CGN: variants seen among roughly 807,000 people sequenced by gnomAD.
CGN encodes the protein cingulin.
A neutral mutation model predicts 157.1 loss-of-function variants in CGN; 121 were observed. The ratio of observed to expected loss-of-function variants is 0.77; its 90% CI spans 0.66 to 0.90. The LOEUF (loss-of-function observed/expected upper bound fraction) is 0.90. Ranked by LOEUF, CGN falls within the 40% of genes least tolerant of loss-of-function variation. The probability of loss-of-function intolerance (pLI) is 0.00; values close to 1 mark genes in which losing one functional copy is unlikely to be tolerated. For missense variants in CGN, 1,424 were observed against 1,520.9 expected (o/e 0.94, Z 1.06); for synonymous variants, 535 against 607.5 (o/e 0.88, Z 1.76).
chr1:151,532,505 G>T lies in CGN; in HGVS notation c.2675G>T (p.Arg892Leu), dbSNP rs377350872. The change falls in exon 14 of 21, where the codon CGC becomes CTC. Residue 892 changes from arginine to leucine, a missense_variant. Around this residue, in one of 3 missense-constraint regions of CGN, gnomAD observed 1,187 missense variants for 1,217.6 expected, o/e 0.97. Transcript: ENST00000271636. ...KARREVADAQ[R>L]QAKDWASEAE... The stretch of plus-strand genomic sequence containing the variant: ...CGGCGGGAGGTGGCAGATGCCCAGC[G>T]CCAGGCCAAGGATTGGGCCAGTGAG... 6 of 1,609,074 alleles carry T rather than the reference G, an allele frequency of 3.7e-6. No homozygotes were observed. In the South Asian group the frequency reaches 6.6e-5, roughly 18 times the overall value.
In CGN at chr1:151,534,150, G is replaced by C. The variant is rs1416006979; in HGVS notation, c.2904+14G>C. 3 of 1,561,828 alleles carry C rather than the reference G, an allele frequency of 1.9e-6. No homozygotes were observed. The highest frequency in any genetic ancestry group is 2.6e-6 in the Non-Finnish European group (3 of 1,153,462). On this transcript the variant is annotated intron_variant, in intron 15 of 20. Transcript: ENST00000271636. Reference sequence around the variant, plus strand: ...AAGGGTCTCGAGGTGAGGGCACTGAGGTGTGACCTGTGGAAAAAGGGTGGG... The same window carrying C: ...AAGGGTCTCGAGGTGAGGGCACTGACGTGTGACCTGTGGAAAAAGGGTGGG...
chr1:151,525,758 G>A lies in CGN; in HGVS notation c.1731G>A (p.Lys577=). The part of the protein sequence containing the change: ...ETGHWQSMFQ[K]NKEDLRATKQ... The stretch of plus-strand genomic sequence containing the variant: ...GGCATTGGCAGAGTATGTTCCAGAA[G>A]AACAAGGAGGATCTTAGAGCCACCA... The change falls in exon 9 of 21, where the codon AAG becomes AAA. Residue 577 remains lysine (K), a synonymous_variant. Coordinates refer to ENST00000271636, the MANE Select transcript of CGN (RefSeq NM_020770.3). The A allele has an allele frequency of 2.5e-6, 4 of 1,607,338 alleles. No individual in the cohort carries two copies. The highest frequency in any genetic ancestry group is 2.5e-6 in the Non-Finnish European group (3 of 1,176,570).
In CGN at chr1:151,535,766, C is replaced by T. The variant is rs1315491375; in HGVS notation, c.3079-14C>T. 2 of 1,613,146 alleles carry T rather than the reference C, an allele frequency of 1.2e-6. No individual in the cohort carries two copies. The highest frequency in any genetic ancestry group is 2.2e-5 in the East Asian group (1 of 44,870). ...AGTGGAGTGCTAACTGTGGAGGCTT[C>T]CTGTCCCTCTCAGAACAAGGACCTG... is the stretch of plus-strand genomic sequence containing the variant. On this transcript the variant is annotated splice_polypyrimidine_tract_variant and intron_variant, in intron 17 of 20. Transcript: ENST00000271636.
chr1:151,515,271 G>A (rs1664383882), intron 1 of CGN, among the ~76,000 whole-genome samples: 1 of 152,108 alleles, frequency 6.6e-6, no homozygotes, highest in Non-Finnish European at 1.5e-5. Context: ...CCAAAGTGTT[G>A]GGATTACAGG....
rs537206424 is a variant in CGN at position 151,519,181 on chromosome 1, G to A, written c.662G>A (p.Arg221Gln). The A allele has an allele frequency of 4.4e-5, 71 of 1,614,088 alleles. No homozygotes were observed. The South Asian group carries it at 6.3e-4, about 14-fold the overall frequency. ...AAGAGCCTGGACAGCCGCCTCCCAC[G>A]GGACACCTTTGAGGAACGGGAGCGC... ...RSKSLDSRLPRDTFEERERQS... is the reference protein window; with the variant it reads ...RSKSLDSRLPQDTFEERERQS... The change falls in exon 2 of 21, where the codon CGG becomes CAG. Residue 221 changes from arginine (R) to glutamine (Q), a missense_variant. Physicochemically the swap from Arg to Gln is conservative, Grantham distance 43 (BLOSUM62 1). Transcript: ENST00000271636.
chr1:151,538,429 G>A lies in CGN; in HGVS notation c.*1083G>A, dbSNP rs575087975. The A allele has an allele frequency of 1.3e-5, 2 of 152,204 alleles. No individual in the cohort carries two copies. The highest frequency in any genetic ancestry group is 2.1e-4 in the South Asian group (1 of 4,828). 9.4% of individuals were successfully genotyped at this position (152,204 alleles called of 1,614,324 possible). ...GACTGTAAAAATGGGAAGAGGCAAC[G>A]GAAGACATTTATTTCTCCTTTGGAT... On this transcript the variant is annotated 3_prime_UTR_variant, in exon 21 of 21. Coordinates refer to ENST00000271636, the MANE Select transcript of CGN (RefSeq NM_020770.3).
intron 20 of CGN, 80 bp downstream of exon 20, chr1:151,536,973 G>A: frequency 6.8e-7 from 1 of 1,470,162 alleles, no homozygotes; most frequent in Non-Finnish European, 9.2e-7. Context: ...TGGATAAGGA[G>A]GAGAATCTCT....
chr1:151,531,684 G>A (rs1261833572), intron 13 of CGN, among the ~76,000 whole-genome samples: 1 of 152,192 alleles, frequency 6.6e-6, no homozygotes, highest in East Asian at 1.9e-4. Flanking sequence ...TGGGTGAGGG[G>A]AAGGAGAAAA....
At chr1:151,517,269 G>A (rs1352536314) in intron 1 of CGN, among the ~76,000 whole-genome samples, 2 of 152,152 alleles carry the variant, frequency 1.3e-5, no homozygotes, top group South Asian at 2.1e-4. Context: ...CTCTTCCAGA[G>A]AATAGAAACT....
chr1:151,533,713 G>C (rs965290791), intron 14 of CGN, among the ~76,000 whole-genome samples: 4 of 151,982 alleles, frequency 2.6e-5, no homozygotes, highest in Admixed American at 1.3e-4. Context: ...AGAATCACTT[G>C]AACCTGGGAG....
At chr1:151,530,872 G>A (rs760726050) in intron 13 of CGN, 126 bp downstream of exon 13, 31 of 968,566 alleles carry the variant, frequency 3.2e-5, no homozygotes, top group Non-Finnish European at 4.6e-5. Context: ...CAGGTGCGGT[G>A]ACTCACTCCT....
chr1:151,520,251 G>A lies in CGN; in HGVS notation c.959G>A (p.Gly320Asp), dbSNP rs199587739. Residue 320 changes from glycine (G) to aspartate (D), a missense_variant, in exon 3 of 21, where the codon GGC (glycine) becomes GAC (aspartate). Gly to Asp is a moderately conservative substitution (Grantham distance 94). Around this residue, in one of 3 missense-constraint regions of CGN, gnomAD observed 1,187 missense variants for 1,217.6 expected, o/e 0.97. Transcript: ENST00000271636. Reference sequence around the variant, plus strand: ...GACCATATGAAGGCCACCATCTATGGCATCCTGAGGGAGGGGTGAGTGGGG... The same window carrying A: ...GACCATATGAAGGCCACCATCTATGACATCCTGAGGGAGGGGTGAGTGGGG... ...SVDHMKATIYGILREGSSESE... is the reference protein window; with the variant it reads ...SVDHMKATIYDILREGSSESE... The A allele has an allele frequency of 1.2e-6, 2 of 1,613,518 alleles. No homozygotes were observed. Among genetic ancestry groups the A allele is most frequent in the East Asian group, 4.5e-5 (2 of 44,868 alleles).
intron 14 of CGN, among the ~76,000 whole-genome samples, chr1:151,533,315 A>G (rs1664880320): frequency 6.6e-6 from 1 of 151,670 alleles, no homozygotes; most frequent in Non-Finnish European, 1.5e-5. Context: ...GTCTTTACTA[A>G]AAATACAAAA....
chr1:151,523,403 C>T (rs1413116276), intron 5 of CGN, 31 bp from the exon 6 acceptor site: 4 of 1,578,622 alleles, frequency 2.5e-6, no homozygotes, highest in Non-Finnish European at 3.4e-6. Flanking sequence ...TCCCTACCCT[C>T]TACCTGCTGT....
At chr1:151,535,520 T>G (rs1443739859) in intron 16 of CGN, 80 bp from the exon 17 acceptor site, 1 of 1,144,862 alleles carries the variant, frequency 8.7e-7, no homozygotes, top group African/African-American at 1.5e-5. Flanking sequence ...CATCCTCCCA[T>G]GACTCAGCCT....
At chr1:151,529,629 G>A in intron 11 of CGN, 70 bp downstream of exon 11, 2 of 1,377,248 alleles carry the variant, frequency 1.5e-6, no homozygotes, top group Non-Finnish European at 2.0e-6. Context: ...GAGCCAGAGG[G>A]TGTGGAAAGT....
intron 14 of CGN, among the ~76,000 whole-genome samples, chr1:151,533,659 T>G (rs1483519284): frequency 6.6e-6 from 1 of 151,652 alleles, no homozygotes; most frequent in Non-Finnish European, 1.5e-5. Context: ...CCAAGCGTGG[T>G]GGCACATGCC....
intron 15 of CGN, 119 bp downstream of exon 15, chr1:151,534,255 A>AATTTG (rs1664909923): frequency 1.0e-6 from 1 of 967,158 alleles, no homozygotes; most frequent in South Asian, 1.7e-5. Context: ...CAGTATTTTC[A>AATTTG]ACAACTTTGA....
Position 151,526,878 on chromosome 1 carries a change from C to A in CGN, c.1764-97C>A, listed in dbSNP as rs1664692913. ...TGAGAGTTGGTGCCCAGCGTGTTGG[C>A]CTCCAGAGAGGTGGCTTTTATTGTC... is the stretch of plus-strand genomic sequence containing the variant. On this transcript the variant is annotated intron_variant, in intron 9 of 20. Coordinates refer to ENST00000271636, the MANE Select transcript of CGN (RefSeq NM_020770.3). 6 of 1,419,802 alleles carry A rather than the reference C, an allele frequency of 4.2e-6. No individual in the cohort carries two copies. The Admixed American group carries it at 1.1e-4, about 26-fold the overall frequency. 88.0% of individuals were successfully genotyped at this position (1,419,802 alleles called of 1,614,324 possible). A position where few individuals can be genotyped will look rare whatever the true frequency, so the allele number is the denominator to read the frequency against.
Sources: gnomAD v4.1 joint callset for allele counts (sites outside exome capture counted in the v4.1 genomes callset) on GRCh38, gnomAD v4.1.1 for gene constraint, gnomAD v4.1.1 regional missense constraint, MANE v1.5 for transcripts, NCBI Gene and HGNC (gene_info 2026-07-23, HGNC 2026-07-21) for gene names.